The following TP53BP1 variants were observed in gnomAD, a reference collection of about 807,000 sequenced individuals.
TP53BP1 encodes TP53-binding protein 1.
In TP53BP1, 61 loss-of-function variants were observed where a neutral mutation model predicts 200.8. That is an observed-to-expected ratio of 0.30 (90% CI 0.25 to 0.38). TP53BP1 has a LOEUF of 0.38. TP53BP1 is among the 10% of genes least tolerant of loss of function. TP53BP1 has a pLI of 1.00. For missense variants in TP53BP1, 2,144 were observed against 2,371.9 expected, an observed-to-expected ratio of 0.90 and a Z score of 2.00; for synonymous variants, 822 against 844.3, an observed-to-expected ratio of 0.97 and a Z score of 0.46.
chr15:43,454,372 T>C (rs1203459257), intron 12 of TP53BP1, among the ~76,000 whole-genome samples: 1 of 132,040 alleles, frequency 7.6e-6, no homozygotes, highest in Non-Finnish European at 1.5e-5. Flanking sequence ...AATAACTCTT[T>C]TTTTTTTTGA....
chr15:43,437,074 G>A (rs1451168323), intron 16 of TP53BP1, among the ~76,000 whole-genome samples: 2 of 152,028 alleles, frequency 1.3e-5, no homozygotes, highest in Non-Finnish European at 2.9e-5. Context: ...CAGGAGGATT[G>A]CTTGAGCCTA....
intron 12 of TP53BP1, among the ~76,000 whole-genome samples, chr15:43,450,753 C>G (rs139607905): frequency 9.7e-4 from 148 of 152,274 alleles, no homozygotes; most frequent in African/African-American, 3.5e-3. Flanking sequence ...AAGTAATTCT[C>G]TCTCTCCCTC....
intron 4 of TP53BP1, among the ~76,000 whole-genome samples, chr15:43,487,194 G>A (rs1005299396): frequency 2.0e-5 from 3 of 152,060 alleles, no homozygotes; most frequent in Non-Finnish European, 4.4e-5. Flanking sequence ...ATGACAGGCA[G>A]CAAGTAAGCA....
chr15:43,496,554 G>T (rs1159645959), upstream of TP53BP1, among the ~76,000 whole-genome samples: 1 of 151,894 alleles, frequency 6.6e-6, no homozygotes, highest in Non-Finnish European at 1.5e-5. Context: ...GGAGCTCAGT[G>T]GCAGAGTACT....
chr15:43,494,794 T>C (rs189194878), upstream of TP53BP1, among the ~76,000 whole-genome samples: 41 of 152,298 alleles, frequency 2.7e-4, no homozygotes, highest in Admixed American at 7.8e-4. Context: ...CCCCCAAAAG[T>C]TACCATTTTT....
chr15:43,474,838 CT>C, intron 9 of TP53BP1, 71 bp from the exon 10 acceptor site: 1 of 1,112,154 alleles, frequency 9.0e-7, no homozygotes, highest in Non-Finnish European at 1.3e-6. Context: ...TTTGCTTTTA[CT>C]TTTTAACAGG....
At chr15:43,478,613 T>G (rs2078916934) in intron 7 of TP53BP1, among the ~76,000 whole-genome samples, 1 of 152,146 alleles carries the variant, frequency 6.6e-6, no homozygotes, top group Non-Finnish European at 1.5e-5. Context: ...TCACGAGAGA[T>G]GAAGCAGAGG....
rs745694160 is a variant in TP53BP1, at chr15:43,407,452, G to A, written c.5865C>T (p.Cys1955=). 5 of 1,614,114 alleles carry A rather than the reference G, an allele frequency of 3.1e-6. No homozygotes were observed. The South Asian group carries it at 4.4e-5, about 14-fold the overall frequency. Residue 1955 remains cysteine, a synonymous_variant, in exon 28 of 28, where the codon TGC becomes TGT. Transcript: ENST00000382044. Reference sequence around the variant, plus strand: ...ATCCAATTCTCTCCCCAACAATGAGGCACTGGATCACCCACTCTTGTGACA... The same window carrying A: ...ATCCAATTCTCTCCCCAACAATGAGACACTGGATCACCCACTCTTGTGACA... ...PVVSQEWVIQ[C]LIVGERIGFK...
intron 4 of TP53BP1, among the ~76,000 whole-genome samples, chr15:43,482,553 G>T (rs996530648): frequency 6.6e-6 from 1 of 152,174 alleles, no homozygotes; most frequent in Non-Finnish European, 1.5e-5. Flanking sequence ...CGGATCACAA[G>T]GTCAGGAGAT....
upstream of TP53BP1, among the ~76,000 whole-genome samples, chr15:43,496,960 C>T (rs1404040908): frequency 6.6e-6 from 1 of 152,190 alleles, no homozygotes; most frequent in Non-Finnish European, 1.5e-5. Flanking sequence ...TCTTCACATC[C>T]AAGTATCATC....
intron 10 of TP53BP1, among the ~76,000 whole-genome samples, chr15:43,473,585 C>T (rs1426013382): frequency 6.6e-6 from 1 of 152,106 alleles, no homozygotes; most frequent in Non-Finnish European, 1.5e-5. Context: ...GGTGTATTTA[C>T]AATCCCTGAG....
At chr15:43,454,855 C>T (rs546563472) in intron 12 of TP53BP1, among the ~76,000 whole-genome samples, 3 of 152,282 alleles carry the variant, frequency 2.0e-5, no homozygotes, top group Admixed American at 2.0e-4. Context: ...CCTCAGCCTC[C>T]CGAGTAGCTG....
intron 14 of TP53BP1, among the ~76,000 whole-genome samples, chr15:43,445,635 TG>T: frequency 6.6e-6 from 1 of 152,316 alleles, no homozygotes; most frequent in East Asian, 1.9e-4. Context: ...GATACCTACT[TG>T]GGAGTACTAT....
Position 43,404,911 on chromosome 15 carries a change from G to A in TP53BP1, c.*2472C>T. ...CCTAGCTTCCGCATCTGTGAAAGGAGGCGACCACCCCTTCTAACTCTAAAC... is the reference window on the plus strand; with the variant it reads ...CCTAGCTTCCGCATCTGTGAAAGGAAGCGACCACCCCTTCTAACTCTAAAC... On this transcript the variant is annotated 3_prime_UTR_variant, in exon 28 of 28. Coordinates refer to ENST00000382044, the MANE Select transcript of TP53BP1 (RefSeq NM_001141980.3). 2 of 503,670 alleles carry A rather than the reference G, an allele frequency of 4.0e-6. No individual in the cohort carries two copies. The highest frequency in any genetic ancestry group is 7.0e-6 in the Non-Finnish European group (2 of 284,990). The allele number at this position is 503,670 out of a possible 1,614,324, so 31.2% of individuals were successfully genotyped here.
At chr15:43,421,347 G>A (rs1170573316) in intron 19 of TP53BP1, among the ~76,000 whole-genome samples, 173 bp from the exon 20 acceptor site, 1 of 152,194 alleles carries the variant, frequency 6.6e-6, no homozygotes, top group Non-Finnish European at 1.5e-5. Context: ...AGTGGGGAGC[G>A]TGGGATAACA....
At chr15:43,481,784 C>T (rs1192473048) in intron 4 of TP53BP1, among the ~76,000 whole-genome samples, 34 of 146,658 alleles carry the variant, frequency 2.3e-4, no homozygotes, top group Admixed American at 1.9e-3. Context: ...CACTGCACTG[C>T]AGCCTGGTGA....
At chr15:43,407,869 G>A in intron 27 of TP53BP1, 74 bp downstream of exon 27, 1 of 1,439,164 alleles carries the variant, frequency 6.9e-7, no homozygotes, top group Non-Finnish European at 9.4e-7. Flanking sequence ...CTGAGCCTTG[G>A]ACCACAAGGC....
chr15:43,428,310 C>T (rs2045596778), intron 17 of TP53BP1, 142 bp from the exon 18 acceptor site: 1 of 717,816 alleles, frequency 1.4e-6, no homozygotes, highest in East Asian at 2.6e-5. Context: ...GTTTTATCCA[C>T]CTATAGGTAA....
intron 12 of TP53BP1, among the ~76,000 whole-genome samples, chr15:43,447,863 C>T (rs987713359): frequency 6.6e-6 from 1 of 152,176 alleles, no homozygotes; most frequent in Non-Finnish European, 1.5e-5. Flanking sequence ...CAAATCAGAA[C>T]AACATAATTT....
Sources: allele counts gnomAD v4.1 joint callset (sites outside exome capture counted in the v4.1 genomes callset), GRCh38; gene constraint gnomAD v4.1.1; transcripts MANE v1.5; gene names NCBI Gene and HGNC (gene_info 2026-07-23, HGNC 2026-07-21).